The following ST6GALNAC3 variants were observed in gnomAD, a reference collection of about 807,000 sequenced individuals.
The protein encoded by ST6GALNAC3 is ST6 N-acetylgalactosaminide alpha-2,6-sialyltransferase 3.
In ST6GALNAC3, 25 loss-of-function variants were observed where a neutral mutation model predicts 32.7. The observed-to-expected ratio is 0.76, with a 90% CI of 0.56 to 1.07. The LOEUF is 1.07. Ranked by LOEUF, ST6GALNAC3 falls within the 50% of genes least tolerant of loss-of-function variation. The pLI is 0.00. For synonymous variants in ST6GALNAC3, 129 were observed against 133.1 expected (o/e 0.97, Z 0.21); for missense variants, 355 against 382.4 (o/e 0.93, Z 0.60).
intron 2 of ST6GALNAC3, among the ~76,000 whole-genome samples, chr1:76,383,038 A>G (rs1012727673): frequency 3.0e-4 from 45 of 152,182 alleles, no homozygotes; most frequent in Non-Finnish European, 4.4e-5. Flanking sequence ...AAAAAAACCA[A>G]TCTTCAAAGG....
At chr1:76,585,934 C>T (rs1646956149) in intron 3 of ST6GALNAC3, among the ~76,000 whole-genome samples, 1 of 152,214 alleles carries the variant, frequency 6.6e-6, no homozygotes, top group African/African-American at 2.4e-5. Context: ...ACCTATCTCA[C>T]TTCAATCCAT....
intron 3 of ST6GALNAC3, among the ~76,000 whole-genome samples, chr1:76,592,442 G>A (rs1030520518): frequency 1.4e-4 from 21 of 152,276 alleles, no homozygotes; most frequent in African/African-American, 5.1e-4. Context: ...TTGAGAAAAT[G>A]CAAGATCACT....
chr1:76,302,829 A>G (rs1660805758), intron 1 of ST6GALNAC3, among the ~76,000 whole-genome samples: 2 of 152,036 alleles, frequency 1.3e-5, no homozygotes, highest in Admixed American at 1.3e-4. Flanking sequence ...TGCACAAAAC[A>G]CACAAACAAA....
chr1:76,350,822 A>AGGTT lies in ST6GALNAC3; in HGVS notation c.213+36824_213+36827dup, dbSNP rs537622758. Among the ~76,000 whole-genome samples, 835 of 152,300 alleles carry AGGTT rather than the reference A, an allele frequency of 5.5e-3. 6 individuals carry two copies. The highest frequency in any genetic ancestry group is 0.019 in the African/African-American group (795 of 41,574). ...GGCTGACAGTGGTGAAACAAATACTAGGTTCCTGAAGCTTTCCTAAGCATT... is the reference window on the plus strand; with the variant it reads ...GGCTGACAGTGGTGAAACAAATACTAGGTTGGTTCCTGAAGCTTTCCTAAGCATT... On this transcript the variant is annotated intron_variant, in intron 2 of 4. Coordinates refer to ENST00000328299, the MANE Select transcript of ST6GALNAC3 (RefSeq NM_152996.4).
At chr1:76,293,823 T>G (rs141595110) in intron 1 of ST6GALNAC3, among the ~76,000 whole-genome samples, 1 of 152,168 alleles carries the variant, frequency 6.6e-6, no homozygotes, top group African/African-American at 2.4e-5. Context: ...TATATTGATG[T>G]TGCGAAAGAA....
intron 3 of ST6GALNAC3, among the ~76,000 whole-genome samples, chr1:76,612,917 C>T (rs557650871): frequency 7.2e-5 from 11 of 152,140 alleles, no homozygotes; most frequent in Non-Finnish European, 1.2e-4. Context: ...TTTGTGCTGA[C>T]GGAGAACTAC....
chr1:76,142,715 C>T (rs1031033024), intron 1 of ST6GALNAC3, among the ~76,000 whole-genome samples: 1 of 152,224 alleles, frequency 6.6e-6, no homozygotes, highest in African/African-American at 2.4e-5. Context: ...TTGAAGAATC[C>T]TGTTTGGACC....
At chr1:76,257,654 C>CT (rs1228902470) in intron 1 of ST6GALNAC3, among the ~76,000 whole-genome samples, 2 of 152,098 alleles carry the variant, frequency 1.3e-5, no homozygotes, top group Non-Finnish European at 1.5e-5. Flanking sequence ...CATCGCCCCA[C>CT]TTTGGGTTCT....
At chr1:76,106,267 G>T (rs1647525016) in intron 1 of ST6GALNAC3, among the ~76,000 whole-genome samples, 1 of 152,128 alleles carries the variant, frequency 6.6e-6, no homozygotes, top group African/African-American at 2.4e-5. Context: ...AAATGTTGTT[G>T]TTATAACAGA....
chr1:76,307,899 C>T (rs776039091), intron 1 of ST6GALNAC3: 4 of 515,820 alleles, frequency 7.8e-6, no homozygotes, highest in African/African-American at 5.8e-5. Flanking sequence ...AGGTATTTCT[C>T]CTATGAAGTC....
intron 1 of ST6GALNAC3, among the ~76,000 whole-genome samples, chr1:76,263,631 A>T (rs534156): frequency 0.95 from 144,344 of 152,274 alleles, 68,900 homozygotes; most frequent in East Asian, 1. Flanking sequence ...AGAAGCCTTT[A>T]TGTCAATGGA....
rs566116176 is a variant in ST6GALNAC3 at position 76,115,830 on chromosome 1, T to G, written c.18+40946T>G. ...ACTTCATTCGATTTTAGACCACTCC[T>G]ACCTTTTGGGTAGTATTACATTTGA... On this transcript the variant is annotated intron_variant, in intron 1 of 4. Coordinates refer to ENST00000328299, the MANE Select transcript of ST6GALNAC3 (RefSeq NM_152996.4). Among the ~76,000 whole-genome samples, 4 of 152,376 alleles carry G rather than the reference T, an allele frequency of 2.6e-5. No individual in the cohort carries two copies. The South Asian group carries it at 8.3e-4, about 32-fold the overall frequency.
chr1:76,369,070 T>G (rs907906738), intron 2 of ST6GALNAC3, among the ~76,000 whole-genome samples: 3 of 152,194 alleles, frequency 2.0e-5, no homozygotes, highest in African/African-American at 7.2e-5. Context: ...TGATATATCT[T>G]ATTATCATCC....
chr1:76,206,835 AATG>A (rs1258526729), intron 1 of ST6GALNAC3, among the ~76,000 whole-genome samples: 1 of 152,194 alleles, frequency 6.6e-6, no homozygotes, highest in African/African-American at 2.4e-5. Flanking sequence ...CTCATGCTTA[AATG>A]ATAACTTCCA....
chr1:76,149,981 T>C (rs899295844), intron 1 of ST6GALNAC3, among the ~76,000 whole-genome samples: 6 of 152,168 alleles, frequency 3.9e-5, no homozygotes, highest in African/African-American at 1.4e-4. Context: ...TGATTCCTCC[T>C]AGGAGGGACA....
chr1:76,283,533 G>A (rs1659615224), intron 1 of ST6GALNAC3, among the ~76,000 whole-genome samples: 1 of 152,060 alleles, frequency 6.6e-6, no homozygotes, highest in Non-Finnish European at 1.5e-5. Context: ...AATATCACTT[G>A]GAAACAAGGA....
intron 3 of ST6GALNAC3, among the ~76,000 whole-genome samples, chr1:76,526,033 G>C (rs998696808): frequency 6.6e-6 from 1 of 151,420 alleles, no homozygotes; most frequent in Non-Finnish European, 1.5e-5. Context: ...CATTCAGAAA[G>C]AGAGGCTTGA....
chr1:76,347,020 G>A (rs942441784), intron 2 of ST6GALNAC3, among the ~76,000 whole-genome samples: 1 of 152,050 alleles, frequency 6.6e-6, no homozygotes, highest in Non-Finnish European at 1.5e-5. Flanking sequence ...AACAAAAAAA[G>A]AGCTTACTGC....
At chr1:76,334,279 A>T (rs1279656078) in intron 2 of ST6GALNAC3, among the ~76,000 whole-genome samples, 2 of 152,214 alleles carry the variant, frequency 1.3e-5, no homozygotes, top group Non-Finnish European at 2.9e-5. Flanking sequence ...ATATATGTCT[A>T]GTTTGAACTC....
Sources: allele counts gnomAD v4.1 joint callset (sites outside exome capture counted in the v4.1 genomes callset), GRCh38; gene constraint gnomAD v4.1.1; transcripts MANE v1.5; gene names NCBI Gene and HGNC (gene_info 2026-07-23, HGNC 2026-07-21).